The following SYNE1 variants were observed in gnomAD, a reference collection of about 807,000 sequenced individuals.
SYNE1 encodes the protein nesprin-1.
Under a neutral mutation model 1,111.0 loss-of-function variants are expected in SYNE1, and 616 were observed. The observed-to-expected ratio is 0.55, with a 90% confidence interval of 0.52 to 0.59. The LOEUF (loss-of-function observed/expected upper bound fraction) is 0.59. SYNE1 is among the 20% of genes least tolerant of loss of function. The pLI, the probability that SYNE1 is intolerant of heterozygous loss-of-function variation, is 0.00. For synonymous variants in SYNE1, 3,855 were observed against 3,825.8 expected, an observed-to-expected ratio of 1.01 and a Z score of -0.28; for missense variants, 10,006 against 10,417.0, an observed-to-expected ratio of 0.96 and a Z score of 1.72.
chr6:152,321,950 C>T, intron 82 of SYNE1, 64 bp from the exon 83 acceptor site: 1 of 1,572,340 alleles, frequency 6.4e-7, no homozygotes, highest in South Asian at 1.1e-5. Context: ...TACTTGGCAA[C>T]ATTTTATCCA....
At chr6:152,356,536 G>T (rs1430952731) in intron 66 of SYNE1, among the ~76,000 whole-genome samples, 1 of 147,448 alleles carries the variant, frequency 6.8e-6, no homozygotes, top group South Asian at 2.1e-4. Flanking sequence ...ATATATTAAA[G>T]ATATTATATT....
chr6:152,455,905 T>C lies in SYNE1; in HGVS notation c.2708A>G (p.Asp903Gly). ...AATTACCTGAAAAGCAACATGAATA[T>C]CTGCAATCTGTCTTTGTAGCCTCGT... is the stretch of plus-strand genomic sequence containing the variant. Reference protein sequence around the residue: ...DQTRLQRQIADIHVAFQSMVK... With the variant: ...DQTRLQRQIAGIHVAFQSMVK... The change falls in exon 23 of 146, where the codon GAT (aspartate) becomes GGT (glycine). Residue 903 changes from aspartate (D) to glycine (G), a missense_variant. This residue lies in a region of SYNE1 where 1,971 missense variants were observed against 2,084.1 expected (regional missense o/e 0.95). Transcript: ENST00000367255. The C allele has an allele frequency of 6.2e-7, 1 of 1,614,070 alleles. No homozygotes were observed. Among genetic ancestry groups the C allele is most frequent in the Non-Finnish European group, 8.5e-7 (1 of 1,179,974 alleles).
intron 126 of SYNE1, among the ~76,000 whole-genome samples, chr6:152,203,544 T>C (rs1368429428): frequency 9.2e-5 from 14 of 152,152 alleles, no homozygotes; most frequent in Non-Finnish European, 2.1e-4. Flanking sequence ...GTCAATATGG[T>C]GTCAAATCAT....
At chr6:152,520,596 T>C in intron 5 of SYNE1, 54 bp from the exon 6 acceptor site, 1 of 1,569,866 alleles carries the variant, frequency 6.4e-7, no homozygotes, top group Non-Finnish European at 8.8e-7. Context: ...TATTAAAATG[T>C]TAGTTATAAG....
chr6:152,334,699 A>G (rs1003009079), intron 76 of SYNE1, among the ~76,000 whole-genome samples: 14 of 152,214 alleles, frequency 9.2e-5, no homozygotes, highest in Non-Finnish European at 1.8e-4. Context: ...ACATTAGGAC[A>G]TTTCCTAGGT....
intron 53 of SYNE1, 149 bp from the exon 54 acceptor site, chr6:152,387,530 C>G: frequency 1.3e-6 from 1 of 748,182 alleles, no homozygotes; most frequent in Non-Finnish European, 2.2e-6. Flanking sequence ...GGGAGAAACA[C>G]TACTTCTCTG....
chr6:152,410,470 T>A (rs2098010831), intron 42 of SYNE1: 1 of 152,000 alleles, frequency 6.6e-6, no homozygotes, highest in African/African-American at 2.4e-5. Context: ...CCATGGATGA[T>A]GCCTGTAATC....
At chr6:152,396,747 G>T in intron 50 of SYNE1, 28 bp downstream of exon 50, 2 of 1,601,090 alleles carry the variant, frequency 1.2e-6, no homozygotes, top group Non-Finnish European at 1.7e-6. Context: ...GGTGTATGAT[G>T]AAATCTATGT....
intron 92 of SYNE1, among the ~76,000 whole-genome samples, chr6:152,301,474 T>A (rs1376339833): frequency 6.6e-6 from 1 of 152,240 alleles, no homozygotes; most frequent in Admixed American, 6.5e-5. Context: ...TGCACATATG[T>A]AGTTAGCTAG....
Position 152,352,202 on chromosome 6 carries a change from C to T in SYNE1, c.11405G>A (p.Ser3802Asn), listed in dbSNP as rs1472894430. Residue 3802 changes from serine (S) to asparagine (N), a missense_variant, in exon 70 of 146, where the codon AGC becomes AAC. Coordinates refer to ENST00000367255, the MANE Select transcript of SYNE1 (RefSeq NM_182961.4). The part of the protein sequence containing the change: ...DHMEQLKELT[S>N]TVRKEHMTLE... ...CGTCATGTGTTCTTTCCGGACAGTGCTGGTCAGTTCCTTCAACTGCTCCAT... is the reference window on the plus strand; with the variant it reads ...CGTCATGTGTTCTTTCCGGACAGTGTTGGTCAGTTCCTTCAACTGCTCCAT... 1 of 1,614,148 alleles carries T rather than the reference C, an allele frequency of 6.2e-7. No homozygotes were observed. Among genetic ancestry groups the T allele is most frequent in the Admixed American group, 1.7e-5 (1 of 60,024 alleles).
chr6:152,349,943 T>G (rs1010178881), intron 72 of SYNE1, among the ~76,000 whole-genome samples: 1 of 152,192 alleles, frequency 6.6e-6, no homozygotes, highest in African/African-American at 2.4e-5. Context: ...CAAGGAACTG[T>G]AAGTCCAACA....
chr6:152,605,070 G>GGAAGGAAGGAAGGA (rs1460089766), intron 3 of SYNE1, among the ~76,000 whole-genome samples: 1 of 35,764 alleles, frequency 2.8e-5, no homozygotes, highest in Admixed American at 2.4e-4. Context: ...GGGAGGGAGG[G>GGAAGGAAGGAAGGA]AGGAAAGAAG....
intron 3 of SYNE1, among the ~76,000 whole-genome samples, chr6:152,612,465 A>C (rs2099634091): frequency 6.6e-6 from 1 of 152,214 alleles, no homozygotes; most frequent in African/African-American, 2.4e-5. Flanking sequence ...TGAATCCCTG[A>C]ATAGACCAAT....
Position 152,148,415 on chromosome 6 carries a change from G to C in SYNE1, c.24643-37C>G. 6.3e-7 allele frequency: 1 copy of C among 1,596,128 alleles called. No individual in the cohort carries two copies. Among genetic ancestry groups the C allele is most frequent in the Non-Finnish European group, 8.5e-7 (1 of 1,170,456 alleles). The stretch of plus-strand genomic sequence containing the variant: ...GTCAAGGCAACCCTGTCACTGTAGT[G>C]GTCAGACTAGCTTCTTATCTGGGCC... On this transcript the variant is annotated intron_variant, in intron 136 of 145. Coordinates refer to ENST00000367255, the MANE Select transcript of SYNE1 (RefSeq NM_182961.4). This position sits in a 1 kb window ranked among gnomAD's most constrained non-coding sequence, Gnocchi z 4.1.
intron 27 of SYNE1, 97 bp from the exon 28 acceptor site, chr6:152,449,738 T>G: frequency 1.1e-6 from 1 of 941,258 alleles, no homozygotes; most frequent in East Asian, 2.5e-5. Context: ...AATTTAACAA[T>G]TAAGTGATTA....
chr6:152,369,873 C>T (rs968375920), intron 59 of SYNE1, among the ~76,000 whole-genome samples: 2 of 149,724 alleles, frequency 1.3e-5, no homozygotes, highest in Non-Finnish European at 3.0e-5. Flanking sequence ...ATCTCAGCTA[C>T]TCAGGAGTCT....
intron 73 of SYNE1, among the ~76,000 whole-genome samples, chr6:152,346,586 G>A (rs566029369): frequency 7.9e-5 from 12 of 152,160 alleles, no homozygotes; most frequent in Non-Finnish European, 1.0e-4. Context: ...AGAGGTGGGC[G>A]GATCACGAGG....
chr6:152,497,384 A>T (rs1480909835), intron 11 of SYNE1, among the ~76,000 whole-genome samples: 1 of 152,230 alleles, frequency 6.6e-6, no homozygotes, highest in Non-Finnish European at 1.5e-5. Flanking sequence ...TTTTATTATC[A>T]GTTGATTCTC....
rs769962128 is a variant in SYNE1 at position 152,416,940 on chromosome 6, G to A, written c.5497C>T (p.Leu1833=). Residue 1833 remains leucine (L), a synonymous_variant, in exon 41 of 146, where the codon CTG becomes TTG. Coordinates refer to ENST00000367255, the MANE Select transcript of SYNE1 (RefSeq NM_182961.4). ...AGGTGGAGGTCCTCAGCACGGCCCA[G>A]AGAACCCAACTTTGCTAAGTGACCC... ...LQGHLAKLGS[L]GRAEDLHLLQ... 3 of 1,614,164 alleles carry A rather than the reference G, an allele frequency of 1.9e-6. No individual in the cohort carries two copies. Among genetic ancestry groups the A allele is most frequent in the Non-Finnish European group, 2.5e-6 (3 of 1,180,032 alleles).
Sources: gnomAD v4.1 joint callset for allele counts (sites outside exome capture counted in the v4.1 genomes callset) on GRCh38, gnomAD v4.1.1 for gene constraint, gnomAD v4.1.1 regional missense constraint, Gnocchi (gnomAD v3.1) non-coding constraint, MANE v1.5 for transcripts, NCBI Gene and HGNC (gene_info 2026-07-23, HGNC 2026-07-21) for gene names.